The following FNDC3A variants were observed in gnomAD, a reference collection of about 807,000 sequenced individuals.
FNDC3A encodes the protein fibronectin type III domain containing 3A.
FNDC3A carries 32 observed loss-of-function variants against 148.9 expected under a neutral mutation model. The observed-to-expected ratio is 0.21, with a 90% CI of 0.16 to 0.29. FNDC3A has a LOEUF of 0.29. Among genes scored for constraint, FNDC3A ranks in the 10% least tolerant of loss-of-function variants. The pLI is 1.00. For synonymous variants in FNDC3A, 472 were observed against 473.6 expected (o/e 1.00, Z 0.04); for missense variants, 1,191 against 1,452.8 (o/e 0.82, Z 2.93).
chr13:49,074,996 A>G (rs1230245805), intron 2 of FNDC3A, among the ~76,000 whole-genome samples: 1 of 152,214 alleles, frequency 6.6e-6, no homozygotes, highest in African/African-American at 2.4e-5. Context: ...GATGATCTAA[A>G]TATTCTGTGG....
chr13:49,076,621 G>T (rs765515263), intron 3 of FNDC3A, among the ~76,000 whole-genome samples: 2 of 151,904 alleles, frequency 1.3e-5, no homozygotes, highest in East Asian at 1.9e-4. Flanking sequence ...CATTGTGAAG[G>T]TTCCTGATAC....
chr13:49,168,789 T>C (rs1884612811), intron 10 of FNDC3A, 38 bp downstream of exon 10: 1 of 1,572,280 alleles, frequency 6.4e-7, no homozygotes, highest in African/African-American at 1.4e-5. Flanking sequence ...ACTGGACATG[T>C]GTTTCTTTGT....
chr13:49,163,126 C>G (rs1446701783), intron 8 of FNDC3A, among the ~76,000 whole-genome samples: 2 of 152,204 alleles, frequency 1.3e-5, no homozygotes, highest in African/African-American at 4.8e-5. Context: ...CTTCTCGGAT[C>G]TCAAACTCCG....
chr13:49,050,479 AT>A (rs1875754600), intron 2 of FNDC3A, among the ~76,000 whole-genome samples: 1 of 152,038 alleles, frequency 6.6e-6, no homozygotes, highest in Non-Finnish European at 1.5e-5. Flanking sequence ...TTGATTTCTG[AT>A]TTTATTCCAC....
At chr13:49,150,631 TATG>T (rs763243295) in intron 8 of FNDC3A, among the ~76,000 whole-genome samples, 4 of 152,098 alleles carry the variant, frequency 2.6e-5, no homozygotes, top group Non-Finnish European at 5.9e-5. Context: ...TTAGAAAATA[TATG>T]ATATAATTTC....
At chr13:49,192,025 T>C (rs1645599781) in intron 19 of FNDC3A, among the ~76,000 whole-genome samples, 1 of 152,162 alleles carries the variant, frequency 6.6e-6, no homozygotes. Context: ...GCTACAAACC[T>C]TAGTTTGTCA....
chr13:49,057,032 G>A (rs1876301589), intron 2 of FNDC3A, among the ~76,000 whole-genome samples: 1 of 152,068 alleles, frequency 6.6e-6, no homozygotes, highest in South Asian at 2.1e-4. Context: ...TCAATAACTT[G>A]GTTTAAGGAT....
intron 14 of FNDC3A, among the ~76,000 whole-genome samples, chr13:49,182,004 C>T (rs1566311646): frequency 6.6e-6 from 1 of 152,046 alleles, no homozygotes. Context: ...TATTTTGAGA[C>T]AGGGGCTCAC....
chr13:49,124,525 A>T (rs1230252873), intron 4 of FNDC3A, among the ~76,000 whole-genome samples: 4 of 152,020 alleles, frequency 2.6e-5, no homozygotes, highest in African/African-American at 9.7e-5. Context: ...CAGAAGAAGC[A>T]AACTATTTGA....
At chr13:49,150,633 T>A (rs1013007325) in intron 8 of FNDC3A, among the ~76,000 whole-genome samples, 4 of 152,040 alleles carry the variant, frequency 2.6e-5, no homozygotes, top group Admixed American at 6.6e-5. Flanking sequence ...AGAAAATATA[T>A]GATATAATTT....
rs144223162 is a variant in FNDC3A, at chr13:49,089,544, G to C, written c.175+14180G>C. ...ATGAGATGGAAGTCAGCAAGTGAAA[G>C]AGTTTTCTTGCTGGCTTTGAAGATG... On this transcript the variant is annotated intron_variant, in intron 3 of 25. Transcript: ENST00000492622. Among the ~76,000 whole-genome samples the C allele has an allele frequency of 2.6e-5, 4 of 152,350 alleles. No individual in the cohort carries two copies. The East Asian group carries it at 5.8e-4, about 22-fold the overall frequency.
intron 8 of FNDC3A, among the ~76,000 whole-genome samples, chr13:49,164,492 G>A (rs544183443): frequency 7.5e-4 from 114 of 152,114 alleles, no homozygotes; most frequent in African/African-American, 2.6e-3. Flanking sequence ...TTGTTGAGTA[G>A]GTTTTCTAAC....
chr13:49,048,899 T>C (rs1362398413), intron 2 of FNDC3A, among the ~76,000 whole-genome samples: 1 of 152,196 alleles, frequency 6.6e-6, no homozygotes, highest in Non-Finnish European at 1.5e-5. Context: ...GTTCCAGTTC[T>C]CAGGGGGAAT....
chr13:49,132,634 A>G lies in FNDC3A; in HGVS notation c.490+1260A>G, dbSNP rs572584496. Among the ~76,000 whole-genome samples the G allele has an allele frequency of 4.6e-5, 7 of 152,334 alleles. 1 individual carries two copies. The East Asian group carries it at 1.3e-3, about 29-fold the overall frequency. On this transcript the variant is annotated intron_variant, in intron 5 of 25. Transcript: ENST00000492622. ...AGTTCTGGTTGCAAACTGCTCTTGCAATGTTCTGCCCTGTGGCCCCTGACT... is the reference window on the plus strand; with the variant it reads ...AGTTCTGGTTGCAAACTGCTCTTGCGATGTTCTGCCCTGTGGCCCCTGACT...
rs764533771 is a variant in FNDC3A at position 49,167,330 on chromosome 13, A to G, written c.1037+27A>G. On this transcript the variant is annotated intron_variant, in intron 9 of 25. Coordinates refer to ENST00000492622, the MANE Select transcript of FNDC3A (RefSeq NM_001079673.2). ...TAAGGAATTCCTACAGATTGCCTTT[A>G]TAAGATACAGCATAAGGGGTTTTTT... The G allele has an allele frequency of 1.5e-5, 21 of 1,402,298 alleles. No individual in the cohort carries two copies. In the South Asian group the frequency reaches 2.4e-4, roughly 16 times the overall value. The allele number at this position is 1,402,298 out of a possible 1,614,324, so 86.9% of individuals were successfully genotyped here.
chr13:49,160,435 G>A lies in FNDC3A; in HGVS notation c.978-6809G>A, dbSNP rs531752444. On this transcript the variant is annotated intron_variant, in intron 8 of 25. Transcript: ENST00000492622. The stretch of plus-strand genomic sequence containing the variant: ...GTGTTTATAGTATTCTCTGATGGTA[G>A]TTTGTATTTCTGTGGGATTGGTGGC... Among the ~76,000 whole-genome samples, 218 of 152,274 alleles carry A rather than the reference G, an allele frequency of 1.4e-3. 1 individual carries two copies. The highest frequency in any genetic ancestry group is 5.0e-3 in the African/African-American group (208 of 41,550).
intron 3 of FNDC3A, among the ~76,000 whole-genome samples, chr13:49,091,172 GA>G (rs1202526512): frequency 6.6e-6 from 1 of 151,900 alleles, no homozygotes; most frequent in Non-Finnish European, 1.5e-5. Flanking sequence ...AGAAGAAACT[GA>G]TTTCCAGAGT....
chr13:49,029,913 A>T (rs902697727), intron 2 of FNDC3A, among the ~76,000 whole-genome samples: 1 of 152,242 alleles, frequency 6.6e-6, no homozygotes, highest in Non-Finnish European at 1.5e-5. Flanking sequence ...ATCAAGAAAA[A>T]AATATAAAAT....
chr13:49,164,528 G>C (rs1884347823), intron 8 of FNDC3A, among the ~76,000 whole-genome samples: 3 of 151,884 alleles, frequency 2.0e-5, no homozygotes, highest in Non-Finnish European at 4.4e-5. Flanking sequence ...TCACCGTTTA[G>C]GATACCAAAA....
Sources: allele counts gnomAD v4.1 joint callset (sites outside exome capture counted in the v4.1 genomes callset), GRCh38; gene constraint gnomAD v4.1.1; transcripts MANE v1.5; gene names NCBI Gene and HGNC (gene_info 2026-07-23, HGNC 2026-07-21).